DIAPH1: variants seen among roughly 807,000 people sequenced by gnomAD.
The protein encoded by DIAPH1 is protein diaphanous homolog 1.
DIAPH1 carries 46 observed loss-of-function variants against 140.7 expected under a neutral mutation model. The ratio of observed to expected loss-of-function variants is 0.33; its 90% confidence interval spans 0.26 to 0.42. The LOEUF (loss-of-function observed/expected upper bound fraction) is 0.42. Among genes scored for constraint, DIAPH1 ranks in the 10% least tolerant of loss-of-function variants. The pLI is 1.00. For synonymous variants in DIAPH1, 565 were observed against 551.6 expected, an observed-to-expected ratio of 1.02 and a Z score of -0.34; for missense variants, 1,310 against 1,558.7, an observed-to-expected ratio of 0.84 and a Z score of 2.69.
intron 1 of DIAPH1, among the ~76,000 whole-genome samples, chr5:141,598,026 C>T (rs1021573646): frequency 6.6e-6 from 1 of 152,200 alleles, no homozygotes; most frequent in East Asian, 1.9e-4. Context: ...AACCCTGTTT[C>T]CCAGGCCTTA....
chr5:141,583,338 C>G (rs770100444), intron 5 of DIAPH1, 46 bp from the exon 6 acceptor site: 101 of 1,606,330 alleles, frequency 6.3e-5, no homozygotes, highest in Non-Finnish European at 8.5e-5. Context: ...CCAATAAATA[C>G]TTATTTGCCA....
intron 18 of DIAPH1, among the ~76,000 whole-genome samples, chr5:141,551,022 G>A (rs1181613065): frequency 6.6e-6 from 1 of 152,160 alleles, no homozygotes; most frequent in African/African-American, 2.4e-5. Context: ...CATGATCCAG[G>A]ACTTTTTTCT....
At chr5:141,592,382 G>C (rs566587843) in intron 1 of DIAPH1, among the ~76,000 whole-genome samples, 1 of 152,264 alleles carries the variant, frequency 6.6e-6, no homozygotes, top group South Asian at 2.1e-4. Flanking sequence ...TGTTCTTACA[G>C]ATTCTATGTT....
chr5:141,544,168 G>C (rs937335309), intron 18 of DIAPH1, among the ~76,000 whole-genome samples: 1 of 152,026 alleles, frequency 6.6e-6, no homozygotes, highest in South Asian at 2.1e-4. Context: ...AAATTAGCCG[G>C]GCGTGGTGGC....
At chr5:141,542,946 AT>A (rs1405491018) in intron 18 of DIAPH1, among the ~76,000 whole-genome samples, 1 of 152,200 alleles carries the variant, frequency 6.6e-6, no homozygotes, top group Non-Finnish European at 1.5e-5. Flanking sequence ...AGATAACAGT[AT>A]CCTATCAATG....
At chr5:141,523,568 G>A (rs1358763048) in intron 27 of DIAPH1, among the ~76,000 whole-genome samples, 2 of 152,074 alleles carry the variant, frequency 1.3e-5, no homozygotes, top group African/African-American at 4.8e-5. Context: ...TGATGGGGAA[G>A]GCAAGGGCAA....
At chr5:141,556,958 G>A (rs1017809274) in intron 18 of DIAPH1, among the ~76,000 whole-genome samples, 2 of 152,176 alleles carry the variant, frequency 1.3e-5, no homozygotes, top group African/African-American at 4.8e-5. Flanking sequence ...GCCTCCCAAA[G>A]TGCTGGGATT....
intron 18 of DIAPH1, among the ~76,000 whole-genome samples, chr5:141,547,145 G>A (rs968597050): frequency 1.3e-5 from 2 of 152,266 alleles, no homozygotes; most frequent in African/African-American, 2.4e-5. Context: ...AAATGAAGAC[G>A]GAGAAGTTCA....
intron 8 of DIAPH1, among the ~76,000 whole-genome samples, chr5:141,580,465 T>C (rs571743660): frequency 6.6e-6 from 1 of 151,090 alleles, no homozygotes; most frequent in African/African-American, 2.4e-5. Flanking sequence ...AAAAAAAGAA[T>C]AGTAAAAAGA....
intron 1 of DIAPH1, among the ~76,000 whole-genome samples, chr5:141,603,171 T>C (rs1260090128): frequency 6.6e-6 from 1 of 152,208 alleles, no homozygotes; most frequent in Non-Finnish European, 1.5e-5. Context: ...CCATGACCAC[T>C]GAGGAAAAAG....
intron 1 of DIAPH1, among the ~76,000 whole-genome samples, chr5:141,615,838 T>C (rs1451966910): frequency 6.6e-6 from 1 of 152,138 alleles, no homozygotes; most frequent in Non-Finnish European, 1.5e-5. Flanking sequence ...TATATGAGAG[T>C]GCATACAAAG....
chr5:141,610,708 C>CGA (rs2099901695), intron 1 of DIAPH1, among the ~76,000 whole-genome samples: 1 of 151,942 alleles, frequency 6.6e-6, no homozygotes, highest in Non-Finnish European at 1.5e-5. Context: ...CCTCAGCCTC[C>CGA]GAGAGTGCTG....
chr5:141,578,252 C>T lies in DIAPH1; in HGVS notation c.1136G>A (p.Arg379Gln), dbSNP rs776665040. The T allele has an allele frequency of 1.9e-6, 3 of 1,613,952 alleles. No homozygotes were observed. Among genetic ancestry groups the T allele is most frequent in the Admixed American group, 1.7e-5 (1 of 60,018 alleles). Residue 379 changes from arginine (R) to glutamine (Q), a missense_variant, in exon 11 of 28, where the codon CGG (arginine) becomes CAG (glutamine). Coordinates refer to ENST00000389054, the MANE Select transcript of DIAPH1 (RefSeq NM_005219.5). ...CATCTCCATGCGAATGTCATCCAGC[C>T]GTCCCTTCAGGTCATAGGAATCCTC... Reference protein sequence around the residue: ...GEEDSYDLKGRLDDIRMEMDD... With the variant: ...GEEDSYDLKGQLDDIRMEMDD...
intron 18 of DIAPH1, among the ~76,000 whole-genome samples, chr5:141,540,975 G>A (rs1334823220): frequency 3.3e-5 from 5 of 152,080 alleles, no homozygotes; most frequent in Admixed American, 6.5e-5. Flanking sequence ...CATGAGAATC[G>A]CTTGAGCCCG....
chr5:141,516,994 C>T lies in DIAPH1; in HGVS notation c.3676G>A (p.Gly1226Arg), dbSNP rs1353463076. The change falls in exon 28 of 28, where the codon GGG (glycine) becomes AGG (arginine). Residue 1226 changes from glycine to arginine, a missense_variant. Gly to Arg is a moderately radical substitution (Grantham distance 125). Around this residue, in one of 3 missense-constraint regions of DIAPH1, gnomAD observed 344 missense variants for 512.2 expected, o/e 0.67. Coordinates refer to ENST00000389054, the MANE Select transcript of DIAPH1 (RefSeq NM_005219.5). Reference sequence around the variant, plus strand: ...GCTAGCAGAGATGTGACTGCACACCCGGCCTTCCTGTTGGCTGCAAGAGAA... The same window carrying T: ...GCTAGCAGAGATGTGACTGCACACCTGGCCTTCCTGTTGGCTGCAAGAGAA... ...RGPRQANRKA[G>R]CAVTSLLASE... 14 of 1,614,088 alleles carry T rather than the reference C, an allele frequency of 8.7e-6. No individual in the cohort carries two copies. The highest frequency in any genetic ancestry group is 2.2e-5 in the South Asian group (2 of 91,088).
At chr5:141,541,678 C>G (rs2099889981) in intron 18 of DIAPH1, among the ~76,000 whole-genome samples, 1 of 101,968 alleles carries the variant, frequency 9.8e-6, no homozygotes, top group East Asian at 2.4e-4. Flanking sequence ...GAGCAAGATT[C>G]TGTCTCAAAA....
At chr5:141,564,810 A>ACCT (rs1296735556) in intron 18 of DIAPH1, 3 of 152,246 alleles carry the variant, frequency 2.0e-5, no homozygotes, top group African/African-American at 4.8e-5. Context: ...ACTGAAAGAT[A>ACCT]CCTTTTAGGT....
chr5:141,573,429 C>T lies in DIAPH1; in HGVS notation c.2358+63G>A, dbSNP rs183044866. 0.11 allele frequency: 158,911 copies of T among 1,502,428 alleles called. 9,109 individuals are homozygous for T. The highest frequency in any genetic ancestry group is 0.15 in the South Asian group (12,962 of 87,836). The allele number at this position is 1,502,428 out of a possible 1,614,324, so 93.1% of individuals were successfully genotyped here. On this transcript the variant is annotated intron_variant, in intron 16 of 27. Transcript: ENST00000389054. Reference sequence around the variant, plus strand: ...CAGCCTGGGCGACAGAGCGAAACTCCGTCTCAAAAAAAAAAAAAAAAAAAA... The same window carrying T: ...CAGCCTGGGCGACAGAGCGAAACTCTGTCTCAAAAAAAAAAAAAAAAAAAA...
intron 18 of DIAPH1, among the ~76,000 whole-genome samples, chr5:141,561,364 GT>G (rs957167891): frequency 1.6e-3 from 220 of 137,186 alleles, no homozygotes; most frequent in Middle Eastern, 3.8e-3. Flanking sequence ...AAAGAGTTTT[GT>G]TTTTTTTTTT....
Sources: gnomAD v4.1 joint callset for allele counts (sites outside exome capture counted in the v4.1 genomes callset) on GRCh38, gnomAD v4.1.1 for gene constraint, gnomAD v4.1.1 regional missense constraint, MANE v1.5 for transcripts, NCBI Gene and HGNC (gene_info 2026-07-23, HGNC 2026-07-21) for gene names.